The following ARHGAP6 variants were observed in gnomAD, a reference collection of about 807,000 sequenced individuals.
The protein encoded by ARHGAP6 is rho GTPase-activating protein 6.
A neutral mutation model predicts 55.7 loss-of-function variants in ARHGAP6; 16 were observed. That is an observed-to-expected ratio of 0.29 (90% CI 0.19 to 0.44). ARHGAP6 has a LOEUF of 0.44. ARHGAP6 is among the 20% of genes least tolerant of loss of function. The pLI, the probability that ARHGAP6 is intolerant of heterozygous loss-of-function variation, is 1.00. For synonymous variants in ARHGAP6, 382 were observed against 360.9 expected (o/e 1.06, Z -0.66); for missense variants, 698 against 808.9 (o/e 0.86, Z 1.66).
intron 1 of ARHGAP6, among the ~76,000 whole-genome samples, chrX:11,466,655 C>A (rs1437918634): frequency 9.0e-6 from 1 of 110,962 alleles, no homozygotes; most frequent in African/African-American, 3.3e-5. Flanking sequence ...TGGGCACATA[C>A]CACCACACCA....
At chrX:11,560,778 T>A (rs1485173733) in intron 1 of ARHGAP6, among the ~76,000 whole-genome samples, 1 of 112,593 alleles carries the variant, frequency 8.9e-6, no homozygotes, top group Non-Finnish European at 1.9e-5. Flanking sequence ...AAGTCATGCA[T>A]TTTCTATTTT....
At chrX:11,323,790 G>A (rs998894316) in intron 1 of ARHGAP6, among the ~76,000 whole-genome samples, 26 of 105,646 alleles carry the variant, frequency 2.5e-4, no homozygotes, top group African/African-American at 6.3e-4. Context: ...GCTTGAACCC[G>A]GGAGGCAGAG....
At chrX:11,223,472 T>C (rs2047000690) in intron 2 of ARHGAP6, among the ~76,000 whole-genome samples, 1 of 111,535 alleles carries the variant, frequency 9.0e-6, no homozygotes, top group Non-Finnish European at 1.9e-5. Context: ...AGAAAGCCAA[T>C]GAAGATGACC....
Position 11,274,600 on chromosome X carries a change from A to G in ARHGAP6, c.589-19893T>C, listed in dbSNP as rs1467436628. Among the ~76,000 whole-genome samples, 3 of 111,896 alleles carry G rather than the reference A, an allele frequency of 2.7e-5. No homozygotes were observed. In the Admixed American group the frequency reaches 2.8e-4, roughly 11 times the overall value. On this transcript the variant is annotated intron_variant, in intron 1 of 12. Transcript: ENST00000337414. The stretch of plus-strand genomic sequence containing the variant: ...ATTTCACTATTTCAAACAGCAAAGG[A>G]ACCACATTTTTTTTCTGTTTCTTTT...
chrX:11,660,135 C>A (rs1393990902), intron 1 of ARHGAP6, among the ~76,000 whole-genome samples: 1 of 111,882 alleles, frequency 8.9e-6, no homozygotes, highest in African/African-American at 3.3e-5. Context: ...ACATCCTCTT[C>A]TCCAGGCACC....
intron 12 of ARHGAP6, among the ~76,000 whole-genome samples, chrX:11,141,007 G>GTTT (rs2045612744): frequency 9.0e-6 from 1 of 111,646 alleles, no homozygotes; most frequent in South Asian, 3.8e-4. Flanking sequence ...GCTGAAACTG[G>GTTT]AAAAGGAAAA....
At chrX:11,167,471 G>GCAAA (rs1360989753) in intron 9 of ARHGAP6, among the ~76,000 whole-genome samples, 1 of 111,481 alleles carries the variant, frequency 9.0e-6, no homozygotes, top group East Asian at 2.8e-4. Context: ...ACAGAGAATG[G>GCAAA]CAAACAAAGA....
intron 2 of ARHGAP6, among the ~76,000 whole-genome samples, chrX:11,232,473 A>C (rs1172169195): frequency 1.4e-4 from 15 of 109,428 alleles, no homozygotes; most frequent in African/African-American, 4.7e-4. Context: ...ATACACACAA[A>C]AAAAAAAAAT....
intron 1 of ARHGAP6, among the ~76,000 whole-genome samples, chrX:11,514,893 C>G (rs913412509): frequency 7.3e-5 from 8 of 109,836 alleles, no homozygotes; most frequent in African/African-American, 2.3e-4. Flanking sequence ...CATTTTACTT[C>G]TGTGTGCTTG....
intron 1 of ARHGAP6, among the ~76,000 whole-genome samples, chrX:11,474,126 T>C (rs1281140770): frequency 1.8e-5 from 2 of 111,070 alleles, no homozygotes; most frequent in Non-Finnish European, 3.8e-5. Flanking sequence ...CCTTTGCATG[T>C]TCTGATTACC....
At chrX:11,232,617 A>G (rs2047149533) in intron 2 of ARHGAP6, among the ~76,000 whole-genome samples, 1 of 111,920 alleles carries the variant, frequency 8.9e-6, no homozygotes, top group Non-Finnish European at 1.9e-5. Flanking sequence ...TGGGCGACAG[A>G]GGGAGACTCC....
intron 10 of ARHGAP6, among the ~76,000 whole-genome samples, chrX:11,146,997 A>G (rs73202049): frequency 0.054 from 5,997 of 111,433 alleles, 172 homozygotes; most frequent in Non-Finnish European, 0.087. Context: ...AAGCTGTTTT[A>G]TTCACTCCTC....
chrX:11,334,937 GC>G, intron 1 of ARHGAP6: 1 of 137,579 alleles, frequency 7.3e-6, no homozygotes, highest in South Asian at 2.1e-4. Flanking sequence ...AGTCAAAACT[GC>G]AAGTCTTGGG....
chrX:11,250,148 T>C lies in ARHGAP6; in HGVS notation c.748+4400A>G, dbSNP rs1196952790. Reference sequence around the variant, plus strand: ...AAATGGACAGGGTTAATCTCCATTTTATCTCTTTATCAGATTTCCCCTGAC... The same window carrying C: ...AAATGGACAGGGTTAATCTCCATTTCATCTCTTTATCAGATTTCCCCTGAC... On this transcript the variant is annotated intron_variant, in intron 2 of 12. Coordinates refer to ENST00000337414, the MANE Select transcript of ARHGAP6 (RefSeq NM_013427.3). Among the ~76,000 whole-genome samples, 4 of 112,264 alleles carry C rather than the reference T, an allele frequency of 3.6e-5. No individual in the cohort carries two copies. The East Asian group carries it at 1.1e-3, about 31-fold the overall frequency.
chrX:11,532,068 T>C (rs1406583338), intron 1 of ARHGAP6, among the ~76,000 whole-genome samples: 1 of 112,485 alleles, frequency 8.9e-6, no homozygotes, highest in Non-Finnish European at 1.9e-5. Context: ...TTCAACCATG[T>C]GGGTGGAGGT....
rs1030366012 is a variant in ARHGAP6, at chrX:11,566,182, C to T, written c.588+98059G>A. ...AGTGTTCATGGTGCTGATAATCCAC[C>T]AGAGGCTGACAGCAACAGTGAAGGA... On this transcript the variant is annotated intron_variant, in intron 1 of 12. Transcript: ENST00000337414. 1.8e-5 allele frequency among the ~76,000 whole-genome samples: 2 copies of T among 112,062 alleles called. 1 individual carries two copies. Among genetic ancestry groups the T allele is most frequent in the African/African-American group, 6.5e-5 (2 of 30,883 alleles).
chrX:11,178,890 TG>T (rs1176273555), intron 7 of ARHGAP6, among the ~76,000 whole-genome samples: 5 of 111,770 alleles, frequency 4.5e-5, no homozygotes, highest in African/African-American at 1.6e-4. Context: ...GCCCTGGCAC[TG>T]GGCTATGGCA....
rs770323215 is a variant in ARHGAP6, at chrX:11,474,391, T to C, written c.588+189850A>G. On this transcript the variant is annotated intron_variant, in intron 1 of 12. Coordinates refer to ENST00000337414, the MANE Select transcript of ARHGAP6 (RefSeq NM_013427.3). The stretch of plus-strand genomic sequence containing the variant: ...CATATCCAGCTAATGAAAATTTAAA[T>C]GGATGTATAAATCTCACCAAATTAT... 3.6e-5 allele frequency among the ~76,000 whole-genome samples: 4 copies of C among 112,136 alleles called. No homozygotes were observed. The South Asian group carries it at 1.5e-3, about 42-fold the overall frequency.
At position 11,345,321 on chromosome X, in the gene ARHGAP6, T is replaced by C. The variant is rs753496223; in HGVS notation, c.589-90614A>G. On this transcript the variant is annotated intron_variant, in intron 1 of 12. Transcript: ENST00000337414. ...AAAATAATTCAGATTCCTCTGACAATAGCCTCTTTAGAAAGAATGGGGAAA... is the reference window on the plus strand; with the variant it reads ...AAAATAATTCAGATTCCTCTGACAACAGCCTCTTTAGAAAGAATGGGGAAA... Among the ~76,000 whole-genome samples, 116 of 112,327 alleles carry C rather than the reference T, an allele frequency of 1.0e-3. No individual in the cohort carries two copies. In the Middle Eastern group the frequency reaches 0.028, roughly 27 times the overall value.
Sources: allele counts gnomAD v4.1 joint callset (sites outside exome capture counted in the v4.1 genomes callset), GRCh38; gene constraint gnomAD v4.1.1; transcripts MANE v1.5; gene names NCBI Gene and HGNC (gene_info 2026-07-23, HGNC 2026-07-21).